Variants in BICRAL observed in about 807,000 individuals in gnomAD.
The protein encoded by BICRAL is BICRA like chromatin remodeling complex associated protein, also known as BRD4-interacting chromatin-remodeling complex-associated protein-like.
In BICRAL, 8 loss-of-function variants were observed where a neutral mutation model predicts 91.8. That is an observed-to-expected ratio of 0.09 (90% CI 0.05 to 0.16). BICRAL has a LOEUF of 0.16. Ranked by LOEUF, BICRAL falls within the 10% of genes least tolerant of loss-of-function variation. The pLI is 1.00. For synonymous variants in BICRAL, 445 were observed against 491.1 expected (o/e 0.91, Z 1.24); for missense variants, 1,038 against 1,310.9 (o/e 0.79, Z 3.21).
chr6:42,785,093 T>C lies in BICRAL; in HGVS notation c.-102+2992T>C, dbSNP rs549325887. ...TGTTTTTCCTCTTGTAGCTGCCATT[T>C]ATCAAATCGAAATTATTTCCTCAGA... On this transcript the variant is annotated intron_variant, in intron 1 of 12. Coordinates refer to ENST00000314073, the MANE Select transcript of BICRAL (RefSeq NM_001393499.1). Among the ~76,000 whole-genome samples, 90 of 152,346 alleles carry C rather than the reference T, an allele frequency of 5.9e-4. 2 individuals carry two copies. The South Asian group carries it at 0.018, about 31-fold the overall frequency.
intron 2 of BICRAL, among the ~76,000 whole-genome samples, chr6:42,814,499 GTA>G (rs1554278814): frequency 8.3e-4 from 51 of 61,268 alleles, no homozygotes; most frequent in African/African-American, 1.6e-3. Context: ...GTGTGTGTGT[GTA>G]TATATATATA....
intron 1 of BICRAL, among the ~76,000 whole-genome samples, chr6:42,748,686 G>A (rs1762329442): frequency 6.6e-6 from 1 of 152,262 alleles, no homozygotes; most frequent in African/African-American, 2.4e-5. Flanking sequence ...AAAGGGGTCA[G>A]TGAGTGATAC....
In BICRAL at chr6:42,793,122, ATTTTTTTTTTTTTTTTTTTTT is replaced by A. The variant is rs1159342197; in HGVS notation, c.-102+11040_-102+11060del. 2.1e-4 allele frequency among the ~76,000 whole-genome samples: 8 copies of A among 37,228 alleles called. 1 individual carries two copies. The highest frequency in any genetic ancestry group is 2.2e-3 in the South Asian group (2 of 920). The allele number at this position is 37,228 out of a possible 152,430, so 24.4% of individuals were successfully genotyped here. On this transcript the variant is annotated intron_variant, in intron 1 of 12. Coordinates refer to ENST00000314073, the MANE Select transcript of BICRAL (RefSeq NM_001393499.1). The stretch of plus-strand genomic sequence containing the variant: ...AAGCGCATGCCACCATGCCCAGCTA[ATTTTTTTTTTTTTTTTTTTTT>A]TTTTTTTTTTTTTTTTTTGAGACAG...
intron 5 of BICRAL, among the ~76,000 whole-genome samples, chr6:42,824,212 A>G (rs1462503051): frequency 6.6e-6 from 1 of 151,934 alleles, no homozygotes; most frequent in Non-Finnish European, 1.5e-5. Context: ...GCCTGGCCAC[A>G]TAGGGAGACT....
chr6:42,836,781 C>G (rs1764649167), intron 6 of BICRAL, among the ~76,000 whole-genome samples: 2 of 151,472 alleles, frequency 1.3e-5, no homozygotes, highest in African/African-American at 4.9e-5. Flanking sequence ...GCCACCACAC[C>G]CAGCTAATTT....
chr6:42,859,038 G>A (rs2114037425), intron 10 of BICRAL, among the ~76,000 whole-genome samples: 1 of 152,086 alleles, frequency 6.6e-6, no homozygotes, highest in South Asian at 2.1e-4. Context: ...GTTTCTGTGA[G>A]TCCACTGTGG....
intron 7 of BICRAL, 105 bp downstream of exon 7, chr6:42,852,302 C>G: frequency 2.7e-6 from 2 of 738,178 alleles, no homozygotes; most frequent in Non-Finnish European, 5.0e-6. Context: ...AATCTCGTCT[C>G]CACTCCGATT....
Position 42,829,015 on chromosome 6 carries a change from A to G in BICRAL, c.682A>G (p.Ile228Val), listed in dbSNP as rs138455961. ...TGGTAATCATCCTTCCATGATGACT[A>G]TTAATAACCTAGATGGATCTCAAAT... ...SFGNHPSMMT[I>V]NNLDGSQIIL... The change falls in exon 6 of 13, where the codon ATT (isoleucine) becomes GTT (valine). Residue 228 changes from isoleucine (I) to valine (V), a missense_variant. By Grantham distance (29) the Ile-to-Val change is conservative. Transcript: ENST00000314073. 406 of 1,613,888 alleles carry G rather than the reference A, an allele frequency of 2.5e-4. No individual in the cohort carries two copies. The highest frequency in any genetic ancestry group is 2.4e-3 in the East Asian group (109 of 44,882).
chr6:42,819,583 GC>G (rs1472773282), intron 2 of BICRAL, among the ~76,000 whole-genome samples: 3 of 152,192 alleles, frequency 2.0e-5, no homozygotes, highest in Non-Finnish European at 4.4e-5. Context: ...ACCATGCCCG[GC>G]CTATCTTCTC....
In BICRAL at chr6:42,811,713, CAG is replaced by C. The variant is rs200171414; in HGVS notation, c.-6+1315_-6+1316del. On this transcript the variant is annotated intron_variant, in intron 2 of 12. Coordinates refer to ENST00000314073, the MANE Select transcript of BICRAL (RefSeq NM_001393499.1). ...CTCCACTCTACTATCTGGAGATCTA[CAG>C]AGTCTTTCTCAAGTTTTCAGCTGAT... 1.0e-3 allele frequency among the ~76,000 whole-genome samples: 155 copies of C among 151,882 alleles called. 2 individuals carry two copies. The East Asian group carries it at 0.022, about 21-fold the overall frequency.
chr6:42,819,792 CT>C (rs1267287923), intron 2 of BICRAL, among the ~76,000 whole-genome samples: 1 of 152,038 alleles, frequency 6.6e-6, no homozygotes, highest in Non-Finnish European at 1.5e-5. Flanking sequence ...GAGTGTGACC[CT>C]TTAAAAAGCA....
At chr6:42,826,148 A>G (rs1764294898) in intron 5 of BICRAL, among the ~76,000 whole-genome samples, 1 of 152,084 alleles carries the variant, frequency 6.6e-6, no homozygotes, top group South Asian at 2.1e-4. Context: ...AGAAAGGTTA[A>G]GTTACTTGGC....
chr6:42,835,073 A>T (rs116198854), intron 6 of BICRAL, among the ~76,000 whole-genome samples: 1 of 151,994 alleles, frequency 6.6e-6, no homozygotes, highest in South Asian at 2.1e-4. Context: ...AATTCATCCA[A>T]GTCTCTCTCT....
chr6:42,850,945 C>T (rs1192090013), intron 6 of BICRAL, among the ~76,000 whole-genome samples: 1 of 151,998 alleles, frequency 6.6e-6, no homozygotes, highest in Non-Finnish European at 1.5e-5. Context: ...AATCCCAGCA[C>T]TTTGGGAAGC....
At chr6:42,765,713 A>G (rs887660819) in intron 1 of BICRAL, among the ~76,000 whole-genome samples, 5 of 152,144 alleles carry the variant, frequency 3.3e-5, no homozygotes, top group African/African-American at 1.2e-4. Flanking sequence ...GTAGGACTTC[A>G]TGTATCGTAC....
intron 1 of BICRAL, among the ~76,000 whole-genome samples, chr6:42,783,236 GCGGCCGCGTC>G (rs1762984523): frequency 1.3e-5 from 2 of 151,776 alleles, no homozygotes; most frequent in Non-Finnish European, 2.9e-5. Context: ...CCGAGGATCC[GCGGCCGCGTC>G]CGGCCGAGCC....
chr6:42,830,298 G>A (rs764905237), intron 6 of BICRAL, 126 bp downstream of exon 6: 8 of 942,106 alleles, frequency 8.5e-6, no homozygotes, highest in African/African-American at 5.0e-5. Context: ...AGGTGTAGTG[G>A]CTCATGCCTG....
rs756290983 is a variant in BICRAL at position 42,808,132 on chromosome 6, C to CTT, written c.-101-2159_-101-2158dup. On this transcript the variant is annotated intron_variant, in intron 1 of 12. Coordinates refer to ENST00000314073, the MANE Select transcript of BICRAL (RefSeq NM_001393499.1). ...GTTTTTGAGGGTAGTACTATAATAT[C>CTT]TTTTTTTTTTTTTTTTAATACGGAG... Among the ~76,000 whole-genome samples the CTT allele has an allele frequency of 3.2e-3, 448 of 139,202 alleles. 1 individual carries two copies. The highest frequency in any genetic ancestry group is 0.011 in the African/African-American group (413 of 38,230). The allele number at this position is 139,202 out of a possible 152,430, so 91.3% of individuals were successfully genotyped here. A position where few individuals can be genotyped will look rare whatever the true frequency, so the allele number is the denominator to read the frequency against.
intron 1 of BICRAL, among the ~76,000 whole-genome samples, chr6:42,800,041 G>T (rs902092584): frequency 1.3e-5 from 2 of 151,674 alleles, no homozygotes; most frequent in East Asian, 3.9e-4. Flanking sequence ...TACCACATTC[G>T]GGTAATTTTT....
Sources: gnomAD v4.1 joint callset for allele counts (sites outside exome capture counted in the v4.1 genomes callset) on GRCh38, gnomAD v4.1.1 for gene constraint, MANE v1.5 for transcripts, NCBI Gene and HGNC (gene_info 2026-07-23, HGNC 2026-07-21) for gene names.